Variants in OCA2 observed in about 807,000 individuals in gnomAD.
The protein encoded by OCA2 is P protein.
Under a neutral mutation model 100.2 loss-of-function variants are expected in OCA2, and 77 were observed. The observed-to-expected ratio is 0.77, with a 90% confidence interval of 0.64 to 0.93. The LOEUF (loss-of-function observed/expected upper bound fraction) is 0.93. OCA2 is among the 40% of genes least tolerant of loss of function. OCA2 has a pLI of 0.00. For missense variants in OCA2, 1,062 were observed against 1,089.1 expected (o/e 0.98, Z 0.35); for synonymous variants, 432 against 439.2 (o/e 0.98, Z 0.21).
chr15:27,842,710 A>G lies in OCA2; in HGVS notation c.2432+2249T>C, dbSNP rs74812333. 2.0e-3 allele frequency among the ~76,000 whole-genome samples: 311 copies of G among 152,336 alleles called. 1 individual carries two copies. The highest frequency in any genetic ancestry group is 7.1e-3 in the African/African-American group (296 of 41,572). On this transcript the variant is annotated intron_variant, in intron 23 of 23. Transcript: ENST00000354638. ...CTCTCCATCCAAGAAGATGCATGTG[A>G]TTCATAAGGCTGGGACTAATGAGCT...
intron 1 of OCA2, among the ~76,000 whole-genome samples, chr15:28,098,480 G>A (rs150381604): frequency 1.3e-5 from 2 of 152,272 alleles, no homozygotes; most frequent in East Asian, 1.9e-4. Flanking sequence ...TAACAGCCTC[G>A]GGTTTCTTTT....
At chr15:27,966,970 A>C in intron 14 of OCA2, 148 bp from the exon 15 acceptor site, 1 of 896,506 alleles carries the variant, frequency 1.1e-6, no homozygotes, top group Non-Finnish European at 1.8e-6. Flanking sequence ...TCTACTAAAA[A>C]ATACAAAAAA....
intron 23 of OCA2, among the ~76,000 whole-genome samples, chr15:27,813,092 C>T (rs1428709310): frequency 1.3e-5 from 2 of 152,108 alleles, no homozygotes; most frequent in South Asian, 2.1e-4. Flanking sequence ...GCTGAGAACT[C>T]GGTGCTTCTC....
chr15:28,007,858 C>T (rs2042132182), intron 9 of OCA2, among the ~76,000 whole-genome samples: 1 of 152,108 alleles, frequency 6.6e-6, no homozygotes, highest in Admixed American at 6.6e-5. Context: ...TAATTTCATC[C>T]CATCAAGCTA....
Position 27,877,383 on chromosome 15 carries a change from ATTT to A in OCA2, c.2080-5464_2080-5462del. 1.3e-5 allele frequency among the ~76,000 whole-genome samples: 2 copies of A among 150,908 alleles called. 1 individual carries two copies. The highest frequency in any genetic ancestry group is 3.0e-5 in the Non-Finnish European group (2 of 67,514). ...ATTCATAGCTTCTATGGCTTTCCTG[ATTT>A]TTTTTTGTCTAGGTGTTCTATCAAT... On this transcript the variant is annotated intron_variant, in intron 19 of 23. Coordinates refer to ENST00000354638, the MANE Select transcript of OCA2 (RefSeq NM_000275.3).
At chr15:27,913,314 T>G (rs920513226) in intron 19 of OCA2, among the ~76,000 whole-genome samples, 1 of 151,870 alleles carries the variant, frequency 6.6e-6, no homozygotes, top group African/African-American at 2.4e-5. Context: ...ACGATATTTA[T>G]GTAAGCCCAA....
At chr15:27,804,156 C>A (rs2033728987) in intron 23 of OCA2, among the ~76,000 whole-genome samples, 1 of 152,098 alleles carries the variant, frequency 6.6e-6, no homozygotes, top group African/African-American at 2.4e-5. Context: ...AAAAACCACA[C>A]CAAAAGGAAT....
chr15:27,878,884 G>A (rs373329356), intron 19 of OCA2, among the ~76,000 whole-genome samples: 1 of 152,016 alleles, frequency 6.6e-6, no homozygotes, highest in African/African-American at 2.4e-5. Context: ...CGGGACACAT[G>A]TGCAGGAAGT....
At chr15:27,788,000 G>A (rs940562593) in intron 23 of OCA2, among the ~76,000 whole-genome samples, 2 of 151,646 alleles carry the variant, frequency 1.3e-5, no homozygotes, top group African/African-American at 2.4e-5. Context: ...ATTTAGAAGT[G>A]AGCTGTCTAA....
intron 2 of OCA2, among the ~76,000 whole-genome samples, chr15:28,076,938 A>G (rs769698716): frequency 6.6e-6 from 1 of 152,082 alleles, no homozygotes. Context: ...TCATTCTTAC[A>G]TACTATTTTG....
chr15:27,728,929 C>T, the OCA2 span, among the ~76,000 whole-genome samples: 11 of 151,898 alleles, frequency 7.2e-5, no homozygotes, highest in Admixed American at 2.0e-4. Flanking sequence ...GTTTTTCAAA[C>T]GATCAAGTCC....
At chr15:27,917,846 C>A (rs1567104026) in intron 19 of OCA2, among the ~76,000 whole-genome samples, 1 of 152,194 alleles carries the variant, frequency 6.6e-6, no homozygotes, top group East Asian at 1.9e-4. Context: ...CCCTTTTGGG[C>A]CGAAAAGTCT....
chr15:28,071,188 A>AAAAAAAAAATG (rs1555389499), intron 2 of OCA2, among the ~76,000 whole-genome samples: 1 of 149,074 alleles, frequency 6.7e-6, no homozygotes, highest in African/African-American at 2.5e-5. Flanking sequence ...AAAAAAAAGA[A>AAAAAAAAAATG]AAACACCTAG....
At chr15:27,954,156 CACA>C (rs768856499) in intron 17 of OCA2, among the ~76,000 whole-genome samples, 4,948 of 50,316 alleles carry the variant, frequency 0.098, 154 homozygotes, top group Middle Eastern at 0.33. Flanking sequence ...CACACACACA[CACA>C]CCTAGGGTCA....
intron 1 of OCA2, among the ~76,000 whole-genome samples, chr15:28,085,617 C>T (rs989918875): frequency 6.6e-6 from 1 of 152,184 alleles, no homozygotes; most frequent in Non-Finnish European, 1.5e-5. Flanking sequence ...CACTTGTCTA[C>T]AGCCCTGCCA....
At position 27,816,973 on chromosome 15, in the gene OCA2, C is replaced by T. The variant is rs544926012; in HGVS notation, c.2432+27986G>A. ...TCAGGCCTCCCTTCCCCTATGTCTC[C>T]GCTCAGGTCAGGCGCTTCCTAGGAA... is the stretch of plus-strand genomic sequence containing the variant. On this transcript the variant is annotated intron_variant, in intron 23 of 23. Coordinates refer to ENST00000354638, the MANE Select transcript of OCA2 (RefSeq NM_000275.3). 3.9e-5 allele frequency among the ~76,000 whole-genome samples: 6 copies of T among 152,270 alleles called. No individual in the cohort carries two copies. The East Asian group carries it at 9.7e-4, about 25-fold the overall frequency.
chr15:27,968,333 G>A (rs1029109038), intron 14 of OCA2, among the ~76,000 whole-genome samples: 4 of 142,304 alleles, frequency 2.8e-5, no homozygotes, highest in African/African-American at 7.5e-5. Context: ...CAGTGACAAT[G>A]CACGACCATG....
chr15:27,841,836 A>G (rs1329130466), intron 23 of OCA2, among the ~76,000 whole-genome samples: 2 of 152,234 alleles, frequency 1.3e-5, no homozygotes, highest in African/African-American at 2.4e-5. Context: ...AAAACAAAAC[A>G]TGAGTCTATT....
At chr15:27,987,151 A>T (rs2041382280) in intron 11 of OCA2, among the ~76,000 whole-genome samples, 1 of 152,188 alleles carries the variant, frequency 6.6e-6, no homozygotes, top group Admixed American at 6.5e-5. Context: ...TGAGAGTTTT[A>T]TTGAAATGAT....
Sources: gnomAD v4.1 joint callset for allele counts (sites outside exome capture counted in the v4.1 genomes callset) on GRCh38, gnomAD v4.1.1 for gene constraint, MANE v1.5 for transcripts, NCBI Gene and HGNC (gene_info 2026-07-23, HGNC 2026-07-21) for gene names.